Variants in ROR1 observed in about 807,000 individuals in gnomAD.
ROR1 encodes inactive tyrosine-protein kinase transmembrane receptor ROR1.
ROR1 carries 19 observed loss-of-function variants against 78.8 expected under a neutral mutation model. That is an observed-to-expected ratio of 0.24 (90% CI 0.17 to 0.35). The LOEUF (loss-of-function observed/expected upper bound fraction) is 0.35, where lower values mean the gene tolerates loss of function less well. Among genes scored for constraint, ROR1 ranks in the 10% least tolerant of loss-of-function variants. The pLI is 1.00. For missense variants in ROR1, 917 were observed against 1,177.8 expected (o/e 0.78, Z 3.24); for synonymous variants, 386 against 433.6 (o/e 0.89, Z 1.36).
At chr1:64,089,357 A>G (rs2100641871) in intron 4 of ROR1, among the ~76,000 whole-genome samples, 1 of 152,052 alleles carries the variant, frequency 6.6e-6, no homozygotes, top group East Asian at 1.9e-4. Flanking sequence ...CTACAGGCAC[A>G]TGCCACAATG....
intron 4 of ROR1, chr1:64,107,028 C>T (rs1455649557): frequency 6.6e-6 from 1 of 152,466 alleles, no homozygotes; most frequent in East Asian, 1.9e-4. Context: ...CCAAGAGCTT[C>T]GGTTTCCTCA....
chr1:63,930,919 T>C (rs1021714381), intron 1 of ROR1, among the ~76,000 whole-genome samples: 4 of 152,212 alleles, frequency 2.6e-5, no homozygotes, highest in Middle Eastern at 3.2e-3. Context: ...TCCTCAGAGT[T>C]AGATTAAATT....
intron 1 of ROR1, among the ~76,000 whole-genome samples, chr1:63,853,074 A>G (rs1252256700): frequency 6.6e-6 from 1 of 152,210 alleles, no homozygotes; most frequent in East Asian, 1.9e-4. Context: ...AAATATATGT[A>G]TCTGAGTTCT....
intron 1 of ROR1, among the ~76,000 whole-genome samples, chr1:64,007,240 T>C (rs72912897): frequency 0.03 from 4,565 of 152,228 alleles, 253 homozygotes; most frequent in African/African-American, 0.11. Context: ...GCTTAACAGG[T>C]AAACAGAGCC....
At chr1:63,901,109 A>G (rs1445904478) in intron 1 of ROR1, among the ~76,000 whole-genome samples, 1 of 151,998 alleles carries the variant, frequency 6.6e-6, no homozygotes, top group Non-Finnish European at 1.5e-5. Context: ...GTCTCCCGGG[A>G]CCTGGCCTGG....
At chr1:64,006,573 G>A (rs1646429349) in intron 1 of ROR1, among the ~76,000 whole-genome samples, 1 of 152,176 alleles carries the variant, frequency 6.6e-6, no homozygotes, top group African/African-American at 2.4e-5. Context: ...GCTTTCCACT[G>A]TGGCTTTGTA....
At chr1:64,083,082 G>C (rs1647117268) in intron 4 of ROR1, among the ~76,000 whole-genome samples, 1 of 152,198 alleles carries the variant, frequency 6.6e-6, no homozygotes, top group South Asian at 2.1e-4. Context: ...ATAATTAGAG[G>C]GAGGAGTGGA....
chr1:63,998,382 A>C (rs1056490767), intron 1 of ROR1, among the ~76,000 whole-genome samples: 15 of 151,188 alleles, frequency 9.9e-5, no homozygotes, highest in Admixed American at 7.3e-4. Context: ...TTTTGCTGTG[A>C]TTTGAACATA....
intron 1 of ROR1, among the ~76,000 whole-genome samples, chr1:63,791,923 T>C (rs1557498647): frequency 6.6e-6 from 1 of 152,166 alleles, no homozygotes; most frequent in Non-Finnish European, 1.5e-5. Context: ...ACTCAACAGA[T>C]ATTTACGTGG....
At chr1:63,837,813 T>C (rs1345744290) in intron 1 of ROR1, among the ~76,000 whole-genome samples, 1 of 152,142 alleles carries the variant, frequency 6.6e-6, no homozygotes, top group East Asian at 1.9e-4. Flanking sequence ...AGAAACGAGA[T>C]TCCGTCTCTT....
At chr1:63,785,775 C>T (rs906794745) in intron 1 of ROR1, among the ~76,000 whole-genome samples, 1 of 152,180 alleles carries the variant, frequency 6.6e-6, no homozygotes, top group South Asian at 2.1e-4. Context: ...ATCTGCCCCG[C>T]TCAGCTTCCC....
chr1:63,870,879 G>A (rs1346414234), intron 1 of ROR1, among the ~76,000 whole-genome samples: 1 of 152,226 alleles, frequency 6.6e-6, no homozygotes, highest in African/African-American at 2.4e-5. Flanking sequence ...GGAACCAGTG[G>A]AGTAGAGGAT....
At position 63,924,888 on chromosome 1, in the gene ROR1, G is replaced by A. The variant is rs75118543; in HGVS notation, c.92-84417G>A. On this transcript the variant is annotated intron_variant, in intron 1 of 8. Transcript: ENST00000371079. ...TGTCCACATTTTCTCATCAGCCCTTGAGAACGGTGGAAGGTTTTGCGGATT... is the reference window on the plus strand; with the variant it reads ...TGTCCACATTTTCTCATCAGCCCTTAAGAACGGTGGAAGGTTTTGCGGATT... Among the ~76,000 whole-genome samples, 420 of 146,194 alleles carry A rather than the reference G, an allele frequency of 2.9e-3. 2 individuals are homozygous for A. The highest frequency in any genetic ancestry group is 0.01 in the African/African-American group (407 of 39,880).
Position 64,178,950 on chromosome 1 carries a change from T to C in ROR1, c.*95T>C. 1.1e-6 allele frequency: 1 copy of C among 950,522 alleles called. No individual in the cohort carries two copies. The highest frequency in any genetic ancestry group is 1.7e-5 in the South Asian group (1 of 57,264). 58.9% of individuals were successfully genotyped at this position (950,522 alleles called of 1,614,324 possible). ...TGTTTTTATTAAAGTAAGGTTCTCA[T>C]TTAGCAGACATCGCAACAAGTACCT... On this transcript the variant is annotated 3_prime_UTR_variant, in exon 9 of 9. Coordinates refer to ENST00000371079, the MANE Select transcript of ROR1 (RefSeq NM_005012.4). This position sits in a 1 kb window ranked among gnomAD's most constrained non-coding sequence, Gnocchi z 4.3.
intron 4 of ROR1, among the ~76,000 whole-genome samples, chr1:64,131,906 C>T (rs1648926266): frequency 6.6e-6 from 1 of 152,204 alleles, no homozygotes; most frequent in African/African-American, 2.4e-5. Flanking sequence ...TAGGCATGAG[C>T]CACTGCACCC....
At position 63,977,050 on chromosome 1, in the gene ROR1, GAGA is replaced by G. The variant is rs1646167057; in HGVS notation, c.92-32250_92-32248del. 2.6e-5 allele frequency among the ~76,000 whole-genome samples: 4 copies of G among 152,266 alleles called. No homozygotes were observed. In the South Asian group the frequency reaches 8.3e-4, roughly 32 times the overall value. On this transcript the variant is annotated intron_variant, in intron 1 of 8. Coordinates refer to ENST00000371079, the MANE Select transcript of ROR1 (RefSeq NM_005012.4). ...TTCTTCTTCACATAATGGCAGCAAG[GAGA>G]AGAATGAGAGTGAAGTGGGGGGAAA...
intron 4 of ROR1, among the ~76,000 whole-genome samples, chr1:64,090,835 C>T (rs924923735): frequency 1.3e-5 from 2 of 152,080 alleles, no homozygotes; most frequent in African/African-American, 4.8e-5. Flanking sequence ...TGGTGGATTT[C>T]CTTTTCCTGA....
intron 1 of ROR1, among the ~76,000 whole-genome samples, chr1:64,002,754 C>T (rs1376342343): frequency 6.6e-6 from 1 of 152,166 alleles, no homozygotes; most frequent in Non-Finnish European, 1.5e-5. Flanking sequence ...TTCCTCTCCT[C>T]ACCTTGTGCT....
chr1:64,045,143 T>C (rs896679968), intron 2 of ROR1, among the ~76,000 whole-genome samples: 7 of 152,194 alleles, frequency 4.6e-5, no homozygotes, highest in African/African-American at 1.7e-4. Flanking sequence ...AACTACCACC[T>C]ATCGAATTTT....
Sources: gnomAD v4.1 joint callset for allele counts (sites outside exome capture counted in the v4.1 genomes callset) on GRCh38, gnomAD v4.1.1 for gene constraint, Gnocchi (gnomAD v3.1) non-coding constraint, MANE v1.5 for transcripts, NCBI Gene and HGNC (gene_info 2026-07-23, HGNC 2026-07-21) for gene names.